EXOC4: variants seen among roughly 807,000 people sequenced by gnomAD.
EXOC4 encodes the protein exocyst complex component 4, also known as SEC8-like 1.
Under a neutral mutation model 107.2 loss-of-function variants are expected in EXOC4, and 71 were observed. That is an observed-to-expected ratio of 0.66 (90% CI 0.55 to 0.81). The LOEUF is 0.81. EXOC4 is among the 30% of genes least tolerant of loss of function. The pLI is 0.00. For missense variants in EXOC4, 1,108 were observed against 1,189.6 expected (o/e 0.93, Z 1.01); for synonymous variants, 456 against 441.2 (o/e 1.03, Z -0.42).
intron 17 of EXOC4, among the ~76,000 whole-genome samples, chr7:134,033,879 A>T (rs1409059957): frequency 1.3e-5 from 2 of 152,228 alleles, no homozygotes; most frequent in Non-Finnish European, 2.9e-5. Context: ...CTCAGCTCCA[A>T]GGTAGAATGA....
At chr7:133,739,221 T>G (rs1484225158) in intron 10 of EXOC4, among the ~76,000 whole-genome samples, 3 of 132,628 alleles carry the variant, frequency 2.3e-5, no homozygotes, top group Admixed American at 7.9e-5. Flanking sequence ...TGTAGAGGGG[T>G]TTGTGTGTGT....
chr7:133,981,736 A>G (rs1793984331), intron 14 of EXOC4, among the ~76,000 whole-genome samples: 1 of 152,226 alleles, frequency 6.6e-6, no homozygotes, highest in Non-Finnish European at 1.5e-5. Flanking sequence ...CTACCCAGCA[A>G]TCCCATTACT....
At chr7:133,643,129 GT>G (rs1254967654) in intron 10 of EXOC4, among the ~76,000 whole-genome samples, 1 of 152,144 alleles carries the variant, frequency 6.6e-6, no homozygotes, top group African/African-American at 2.4e-5. Flanking sequence ...TGATGTATTA[GT>G]CAGGGTTCTC....
intron 9 of EXOC4, among the ~76,000 whole-genome samples, chr7:133,582,334 G>A (rs1801296121): frequency 6.6e-6 from 1 of 152,176 alleles, no homozygotes; most frequent in Non-Finnish European, 1.5e-5. Context: ...TGGCTGTGTA[G>A]TATTCAAAGG....
intron 9 of EXOC4, among the ~76,000 whole-genome samples, chr7:133,486,854 T>G (rs1799278265): frequency 1.3e-5 from 2 of 152,202 alleles, no homozygotes; most frequent in Admixed American, 1.3e-4. Flanking sequence ...AATGCTCATT[T>G]CTTTGTCTAT....
intron 11 of EXOC4, among the ~76,000 whole-genome samples, chr7:133,880,831 A>C (rs528840541): frequency 6.6e-6 from 1 of 152,222 alleles, no homozygotes; most frequent in African/African-American, 2.4e-5. Flanking sequence ...TATTATTGAT[A>C]ATTTACATCA....
intron 10 of EXOC4, among the ~76,000 whole-genome samples, chr7:133,775,958 G>T (rs899972206): frequency 1.3e-5 from 2 of 152,130 alleles, no homozygotes; most frequent in Admixed American, 6.6e-5. Context: ...AGAAGGAATT[G>T]CATCTATCTT....
At chr7:133,616,555 A>G (rs2093305540) in intron 9 of EXOC4, among the ~76,000 whole-genome samples, 1 of 152,156 alleles carries the variant, frequency 6.6e-6, no homozygotes, top group Non-Finnish European at 1.5e-5. Flanking sequence ...CTAAAATTGC[A>G]CAGACCTGTC....
At chr7:133,812,241 C>T (rs929628640) in intron 10 of EXOC4, among the ~76,000 whole-genome samples, 4 of 152,168 alleles carry the variant, frequency 2.6e-5, no homozygotes, top group Non-Finnish European at 5.9e-5. Context: ...ACCGCAGCAG[C>T]ACCATTTACT....
chr7:133,385,032 TC>T, intron 7 of EXOC4, among the ~76,000 whole-genome samples: 1 of 152,274 alleles, frequency 6.6e-6, no homozygotes, highest in East Asian at 1.9e-4. Context: ...TCTGGCACCA[TC>T]ACGCTTCTCC....
intron 5 of EXOC4, among the ~76,000 whole-genome samples, chr7:133,325,298 C>G (rs1317155086): frequency 6.6e-6 from 1 of 152,172 alleles, no homozygotes; most frequent in Non-Finnish European, 1.5e-5. Context: ...GCAGTTGCTT[C>G]CTAGCATTGA....
At chr7:133,962,400 T>A (rs1193427060) in intron 14 of EXOC4, among the ~76,000 whole-genome samples, 1 of 152,192 alleles carries the variant, frequency 6.6e-6, no homozygotes, top group Non-Finnish European at 1.5e-5. Context: ...GTCCTGCCTA[T>A]GTTTGTTACT....
intron 1 of EXOC4, among the ~76,000 whole-genome samples, chr7:133,264,502 A>T (rs1793668558): frequency 1.3e-5 from 2 of 152,192 alleles, no homozygotes; most frequent in South Asian, 4.1e-4. Flanking sequence ...TGCTCTAATA[A>T]GACATAATTA....
rs1794744553 is a variant in EXOC4 at position 133,305,967 on chromosome 7, C to T, written c.562C>T (p.Leu188Phe). Residue 188 changes from leucine (L) to phenylalanine (F), a missense_variant, in exon 4 of 18, where the codon CTT becomes TTT. Coordinates refer to ENST00000253861, the MANE Select transcript of EXOC4 (RefSeq NM_021807.4). ...RLELHSKKMNLHLVLIDELHR... is the reference protein window; with the variant it reads ...RLELHSKKMNFHLVLIDELHR... ...AGAGCTTCACAGCAAGAAGATGAAC[C>T]TTCACTTGGTTCTCATAGATGAACT... The T allele has an allele frequency of 1.2e-6, 2 of 1,613,822 alleles. No homozygotes were observed. The highest frequency in any genetic ancestry group is 1.7e-5 in the Admixed American group (1 of 59,964).
At chr7:133,338,550 G>A (rs1330654241) in intron 5 of EXOC4, among the ~76,000 whole-genome samples, 2 of 126,292 alleles carry the variant, frequency 1.6e-5, no homozygotes, top group African/African-American at 5.9e-5. Flanking sequence ...CCGAGATTGC[G>A]CCACTGCAGT....
At chr7:133,429,086 A>G (rs1797793274) in intron 7 of EXOC4, among the ~76,000 whole-genome samples, 1 of 152,170 alleles carries the variant, frequency 6.6e-6, no homozygotes, top group Non-Finnish European at 1.5e-5. Context: ...GAGGTGATTG[A>G]CAGCACGGGT....
At chr7:133,815,945 A>AT (rs1797358892) in intron 10 of EXOC4, among the ~76,000 whole-genome samples, 1 of 152,176 alleles carries the variant, frequency 6.6e-6, no homozygotes, top group Non-Finnish European at 1.5e-5. Context: ...TCATTGATCC[A>AT]TTTTTATAAA....
chr7:133,620,262 A>G (rs1270632152), intron 9 of EXOC4, among the ~76,000 whole-genome samples: 1 of 151,934 alleles, frequency 6.6e-6, no homozygotes, highest in Admixed American at 6.6e-5. Context: ...CCTGACCTTA[A>G]GTGATCCACC....
intron 9 of EXOC4, among the ~76,000 whole-genome samples, chr7:133,557,231 C>T (rs1800709567): frequency 6.6e-6 from 1 of 152,110 alleles, no homozygotes; most frequent in African/African-American, 2.4e-5. Context: ...ACCCTGGTTT[C>T]TCCTCCCTCC....
Sources: allele counts gnomAD v4.1 joint callset (sites outside exome capture counted in the v4.1 genomes callset), GRCh38; gene constraint gnomAD v4.1.1; transcripts MANE v1.5; gene names NCBI Gene and HGNC (gene_info 2026-07-23, HGNC 2026-07-21).